The following MSR1 variants were observed in gnomAD, a reference collection of about 807,000 sequenced individuals.
MSR1 encodes the protein macrophage scavenger receptor 1.
MSR1 carries 53 observed loss-of-function variants against 47.2 expected under a neutral mutation model. The ratio of observed to expected loss-of-function variants is 1.12; its 90% CI spans 0.90 to 1.41. The LOEUF is 1.41. MSR1 is among the 40% of genes most tolerant of loss of function. MSR1 has a pLI of 0.00. For synonymous variants in MSR1, 239 were observed against 185.6 expected (o/e 1.29, Z -2.34); for missense variants, 786 against 546.9 (o/e 1.44, Z -4.36).
chr8:16,138,402 C>G (rs1800443845), intron 8 of MSR1, among the ~76,000 whole-genome samples: 1 of 151,992 alleles, frequency 6.6e-6, no homozygotes, highest in South Asian at 2.1e-4. Context: ...CTTCTTTTCT[C>G]TTCATTATGC....
rs572684889 is a variant in MSR1, at chr8:16,115,529, G to A, written c.1222+4889C>T. Among the ~76,000 whole-genome samples the A allele has an allele frequency of 5.6e-4, 86 of 152,278 alleles. 1 individual carries two copies. The highest frequency in any genetic ancestry group is 2.0e-3 in the African/African-American group (83 of 41,560). On this transcript the variant is annotated intron_variant, in intron 9 of 9. Coordinates refer to ENST00000262101, the MANE Select transcript of MSR1 (RefSeq NM_138715.3). The stretch of plus-strand genomic sequence containing the variant: ...CTCTTAAAATACAATATCCAGTGAA[G>A]TAGATCATAAAACTTACTTTTCAAA...
intron 1 of MSR1, among the ~76,000 whole-genome samples, chr8:16,180,881 CTT>C (rs1801809914): frequency 6.6e-6 from 1 of 152,098 alleles, no homozygotes; most frequent in Admixed American, 6.6e-5. Flanking sequence ...GGACTCTGTT[CTT>C]TAATGGATCT....
intron 1 of MSR1, among the ~76,000 whole-genome samples, chr8:16,190,897 T>G (rs1465889546): frequency 1.3e-5 from 2 of 152,026 alleles, no homozygotes; most frequent in Non-Finnish European, 2.9e-5. Context: ...AATTTTGTAT[T>G]TTCAGTAGAG....
At chr8:16,192,184 G>T (rs1015902201) in intron 1 of MSR1, among the ~76,000 whole-genome samples, 1 of 151,998 alleles carries the variant, frequency 6.6e-6, no homozygotes, top group East Asian at 1.9e-4. Context: ...ATAATAAAAG[G>T]CATTAGATTA....
chr8:16,182,121 C>G (rs542780570), intron 1 of MSR1, among the ~76,000 whole-genome samples: 1 of 152,288 alleles, frequency 6.6e-6, no homozygotes, highest in African/African-American at 2.4e-5. Flanking sequence ...ACCTATATAG[C>G]ATGTTATACT....
chr8:16,127,683 A>G (rs1376395573), intron 8 of MSR1, among the ~76,000 whole-genome samples: 1 of 152,230 alleles, frequency 6.6e-6, no homozygotes, highest in Admixed American at 6.5e-5. Context: ...TGAATATAAC[A>G]TATCTAAAGA....
At chr8:16,121,319 T>G (rs1191221379) in intron 8 of MSR1, 4 of 267,236 alleles carry the variant, frequency 1.5e-5, no homozygotes, top group Non-Finnish European at 2.2e-5. Context: ...ATTATAAAAG[T>G]AATTTTGTTC....
At position 16,168,459 on chromosome 8, in the gene MSR1, T is replaced by C; in HGVS notation, c.629A>G (p.Glu210Gly). 6.2e-7 allele frequency: 1 copy of C among 1,614,072 alleles called. No homozygotes were observed. Among genetic ancestry groups the C allele is most frequent in the East Asian group, 2.2e-5 (1 of 44,850 alleles). ...ACCTTGCAGTCCACAAACTCTTACC[T>C]CTTGTTGTTTGAAGGTATTCTCTTG... is the stretch of plus-strand genomic sequence containing the variant. Reference protein sequence around the residue: ...KIQENTFKQQEEISKLEERVY... With the variant: ...KIQENTFKQQGEISKLEERVY... The change falls in exon 4 of 10, where the codon GAG becomes GGG. Residue 210 changes from glutamate to glycine, a missense_variant and splice_region_variant. Transcript: ENST00000262101.
chr8:16,111,126 G>A (rs191963181), intron 9 of MSR1, among the ~76,000 whole-genome samples: 48 of 152,108 alleles, frequency 3.2e-4, no homozygotes, highest in African/African-American at 1.0e-3. Context: ...ATGTGTATAC[G>A]TATTTGTATA....
At chr8:16,188,957 A>AACAC (rs555116252) in intron 1 of MSR1, among the ~76,000 whole-genome samples, 5 of 82,428 alleles carry the variant, frequency 6.1e-5, no homozygotes, top group African/African-American at 3.3e-4. Context: ...CTAATAATTC[A>AACAC]ACACACATAC....
chr8:16,111,063 A>C (rs1799746127), intron 9 of MSR1, among the ~76,000 whole-genome samples: 1 of 152,156 alleles, frequency 6.6e-6, no homozygotes, highest in African/African-American at 2.4e-5. Context: ...TTATCTTACT[A>C]GGCATGGCAT....
chr8:16,119,688 C>T (rs1198586489), intron 9 of MSR1, among the ~76,000 whole-genome samples: 1 of 151,710 alleles, frequency 6.6e-6, no homozygotes, highest in Non-Finnish European at 1.5e-5. Context: ...AGAAGTTCAT[C>T]TTACCTTTTT....
At chr8:16,145,893 A>C (rs1800683325) in intron 7 of MSR1, among the ~76,000 whole-genome samples, 1 of 152,156 alleles carries the variant, frequency 6.6e-6, no homozygotes, top group Non-Finnish European at 1.5e-5. Flanking sequence ...GCTTGGTCCA[A>C]ACCTAGAGTT....
chr8:16,132,531 A>C (rs968762221), intron 8 of MSR1, among the ~76,000 whole-genome samples: 6 of 152,010 alleles, frequency 3.9e-5, no homozygotes, highest in African/African-American at 1.5e-4. Flanking sequence ...CCTGTCACCC[A>C]GGCTGGAGTG....
At chr8:16,123,737 C>A (rs1248116654) in intron 8 of MSR1, among the ~76,000 whole-genome samples, 1 of 151,910 alleles carries the variant, frequency 6.6e-6, no homozygotes, top group Non-Finnish European at 1.5e-5. Flanking sequence ...AAAACAGAAA[C>A]AGAAACTAAA....
At chr8:16,175,435 T>C (rs1299878519) in intron 2 of MSR1, 135 bp from the exon 3 acceptor site, 1 of 789,216 alleles carries the variant, frequency 1.3e-6, no homozygotes, top group Non-Finnish European at 2.0e-6. Flanking sequence ...GTTCCACATC[T>C]TTGCAGTAGA....
chr8:16,184,816 A>G (rs922312839), intron 1 of MSR1, among the ~76,000 whole-genome samples: 11 of 151,580 alleles, frequency 7.3e-5, no homozygotes, highest in African/African-American at 2.7e-4. Context: ...ATTTTTTTTT[A>G]GCATATAGAA....
In MSR1 at chr8:16,120,580, C is replaced by G. The variant is rs780816509; in HGVS notation, c.1060G>C (p.Gly354Arg). The G allele has an allele frequency of 1.9e-6, 3 of 1,604,268 alleles. No individual in the cohort carries two copies. Among genetic ancestry groups the G allele is most frequent in the Middle Eastern group, 1.7e-4 (1 of 6,030 alleles). Residue 354 changes from glycine to arginine, a missense_variant, in exon 9 of 10, where the codon GGT (glycine) becomes CGT (arginine). Coordinates refer to ENST00000262101, the MANE Select transcript of MSR1 (RefSeq NM_138715.3). ...LTPFTKVRLV[G>R]GSGPHEGRVE... ...CTCCCCTCGTGAGGGCCGCTCCCACCGACCAGTCGAACTTTCGTAAATGGA... is the reference window on the plus strand; with the variant it reads ...CTCCCCTCGTGAGGGCCGCTCCCACGGACCAGTCGAACTTTCGTAAATGGA...
chr8:16,117,963 C>A (rs951550992), intron 9 of MSR1, among the ~76,000 whole-genome samples: 2 of 152,190 alleles, frequency 1.3e-5, no homozygotes, highest in African/African-American at 4.8e-5. Flanking sequence ...CATCCCTGGT[C>A]TGTGGAAAAA....
Sources: allele counts gnomAD v4.1 joint callset (sites outside exome capture counted in the v4.1 genomes callset), GRCh38; gene constraint gnomAD v4.1.1; transcripts MANE v1.5; gene names NCBI Gene and HGNC (gene_info 2026-07-23, HGNC 2026-07-21).